The following TRIM75 variants were observed in gnomAD, a reference collection of about 807,000 sequenced individuals.
The protein encoded by TRIM75 is tripartite motif containing 75, also known as tripartite motif-containing protein 75.
the TRIM75 span, chr4:165,060,059 C>T: frequency 5.1e-6 from 4 of 780,576 alleles, no homozygotes; most frequent in Middle Eastern, 2.2e-4. Flanking sequence ...AAACAGCACA[C>T]CCTAACCTGA....
At chr4:165,054,296 G>GTC in the TRIM75 span, among the ~76,000 whole-genome samples, 1 of 132,524 alleles carries the variant, frequency 7.5e-6, no homozygotes, top group Non-Finnish European at 1.6e-5. Context: ...TTGAGACAGA[G>GTC]TCTTGCTCTG....
the TRIM75 span, chr4:165,060,173 G>A: frequency 1.5e-5 from 12 of 780,788 alleles, no homozygotes; most frequent in East Asian, 1.2e-4. Context: ...TGGGTTTTCC[G>A]TATTTTCATT....
chr4:165,056,602 CTTT>C, the TRIM75 span, among the ~76,000 whole-genome samples: 637 of 69,450 alleles, frequency 9.2e-3, 2 homozygotes, highest in African/African-American at 0.026. Context: ...GTCTCTGTCT[CTTT>C]TTTTTTTTTT....
chr4:165,056,462 A>G, the TRIM75 span, among the ~76,000 whole-genome samples: 2 of 152,004 alleles, frequency 1.3e-5, no homozygotes, highest in African/African-American at 2.4e-5. Flanking sequence ...ATGCTGTCTG[A>G]TAAAAGTGTG....
At chr4:165,055,366 C>T in the TRIM75 span, among the ~76,000 whole-genome samples, 1 of 151,134 alleles carries the variant, frequency 6.6e-6, no homozygotes, top group Admixed American at 6.6e-5. Flanking sequence ...CTCACCGCAA[C>T]CTCCATGTCC....
the TRIM75 span, among the ~76,000 whole-genome samples, chr4:165,055,729 TC>T: frequency 6.6e-6 from 1 of 152,082 alleles, no homozygotes; most frequent in South Asian, 2.1e-4. Context: ...GGACTCTGGA[TC>T]AGCTGTCCAG....
At chr4:165,056,296 G>T in the TRIM75 span, among the ~76,000 whole-genome samples, 3 of 106,960 alleles carry the variant, frequency 2.8e-5, no homozygotes, top group Non-Finnish European at 3.8e-5. Context: ...TAATAAAAAT[G>T]ATTTTTTTTT....
chr4:165,058,637 T>C, the TRIM75 span, among the ~76,000 whole-genome samples: 5 of 152,166 alleles, frequency 3.3e-5, no homozygotes, highest in Admixed American at 1.3e-4. Flanking sequence ...CTATGTGGAA[T>C]AGCTAGGGCA....
chr4:165,059,092 A>G, the TRIM75 span: 1 of 687,448 alleles, frequency 1.5e-6, no homozygotes. Flanking sequence ...GAGTACCCAC[A>G]GAACTCAACC....
chr4:165,055,423 T>C, the TRIM75 span, among the ~76,000 whole-genome samples: 1 of 152,012 alleles, frequency 6.6e-6, no homozygotes, highest in African/African-American at 2.4e-5. Flanking sequence ...TAGCTGGGAT[T>C]ACAGGCATGT....
At chr4:165,055,415 G>T in the TRIM75 span, among the ~76,000 whole-genome samples, 4 of 151,766 alleles carry the variant, frequency 2.6e-5, no homozygotes, top group Non-Finnish European at 5.9e-5. Flanking sequence ...CTCCCGAGTA[G>T]CTGGGATTAC....
At chr4:165,060,458 T>C in the TRIM75 span, 1 of 780,680 alleles carries the variant, frequency 1.3e-6, no homozygotes, top group South Asian at 1.3e-5. Flanking sequence ...ACATCTGTAC[T>C]TTCACTGACA....
At chr4:165,054,266 A>ATTTT in the TRIM75 span, among the ~76,000 whole-genome samples, 6 of 96,868 alleles carry the variant, frequency 6.2e-5, no homozygotes, top group Non-Finnish European at 8.0e-5. Context: ...TAATTTGTGT[A>ATTTT]TTTTTTTTTT....
the TRIM75 span, chr4:165,059,267 C>T: frequency 2.6e-6 from 2 of 780,466 alleles, no homozygotes; most frequent in Non-Finnish European, 4.8e-6. Context: ...GTTCCTGCAT[C>T]CAACAGTCCT....
At chr4:165,059,411 A>T in the TRIM75 span, 1 of 780,854 alleles carries the variant, frequency 1.3e-6, no homozygotes. Context: ...AGAGTAATAA[A>T]AGGAAGCAGG....
At chr4:165,059,173 G>A in the TRIM75 span, 16 of 779,034 alleles carry the variant, frequency 2.1e-5, no homozygotes, top group African/African-American at 5.1e-5. Flanking sequence ...GCTCTGACCG[G>A]ACTCCAAGCA....
At chr4:165,057,955 A>G in the TRIM75 span, among the ~76,000 whole-genome samples, 1 of 152,004 alleles carries the variant, frequency 6.6e-6, no homozygotes, top group Non-Finnish European at 1.5e-5. Context: ...TTATTTTCTT[A>G]TCTTGTAGGT....
the TRIM75 span, among the ~76,000 whole-genome samples, chr4:165,058,195 T>C: frequency 9.9e-5 from 15 of 151,566 alleles, no homozygotes; most frequent in Admixed American, 5.3e-4. Flanking sequence ...AGAGACAAGG[T>C]CTCACTCTGT....
chr4:165,057,347 A>T, the TRIM75 span, among the ~76,000 whole-genome samples: 1 of 152,134 alleles, frequency 6.6e-6, no homozygotes, highest in African/African-American at 2.4e-5. Context: ...TCTAGAAAAA[A>T]TAACAAGAAA....
Sources: allele counts gnomAD v4.1 joint callset (sites outside exome capture counted in the v4.1 genomes callset), GRCh38; gene constraint gnomAD v4.1.1; transcripts MANE v1.5; gene names NCBI Gene and HGNC (gene_info 2026-07-23, HGNC 2026-07-21).